The following CREBBP variants were observed in gnomAD, a reference collection of about 807,000 sequenced individuals.
The protein encoded by CREBBP is CREB binding lysine acetyltransferase, also known as CREB-binding protein.
CREBBP carries 19 observed loss-of-function variants against 265.0 expected under a neutral mutation model. That is an observed-to-expected ratio of 0.07 (90% confidence interval 0.05 to 0.11). The LOEUF (loss-of-function observed/expected upper bound fraction) is 0.11, where lower values mean the gene tolerates loss of function less well. CREBBP is among the 10% of genes least tolerant of loss of function. CREBBP has a pLI of 1.00. For synonymous variants in CREBBP, 1,457 were observed against 1,223.7 expected (o/e 1.19, Z -3.98); for missense variants, 2,525 against 3,219.0 (o/e 0.78, Z 5.22).
In CREBBP at chr16:3,781,078, GCA is replaced by G; in HGVS notation, c.1676+124_1676+125del. Reference sequence around the variant, plus strand: ...ATAATTAAAGAAAAAAAGGAAAACAGCATTCACCCCTCACCACCCCATTTAAA... The same window carrying G: ...ATAATTAAAGAAAAAAAGGAAAACAGTTCACCCCTCACCACCCCATTTAAA... On this transcript the variant is annotated intron_variant, in intron 7 of 30. Coordinates refer to ENST00000262367, the MANE Select transcript of CREBBP (RefSeq NM_004380.3). 3.8e-6 allele frequency: 4 copies of G among 1,042,980 alleles called. No homozygotes were observed. In the Admixed American group the frequency reaches 8.5e-5, roughly 22 times the overall value. The allele number at this position is 1,042,980 out of a possible 1,614,324, so 64.6% of individuals were successfully genotyped here. A position where few individuals can be genotyped will look rare whatever the true frequency, so the allele number is the denominator to read the frequency against.
chr16:3,846,705 C>T (rs2054674323), intron 2 of CREBBP, among the ~76,000 whole-genome samples: 1 of 152,146 alleles, frequency 6.6e-6, no homozygotes, highest in Non-Finnish European at 1.5e-5. Context: ...AGGGGAACAT[C>T]TACACTCACA....
rs1397325627 is a variant in CREBBP, at chr16:3,767,749, G to A, written c.3221C>T (p.Ser1074Leu). The stretch of plus-strand genomic sequence containing the variant: ...TTTGCGCGGCTGCGAAGGAGATGTT[G>A]ACTGAGAGGCTGTGCCGTTACTGCT... Reference protein sequence around the residue: ...ESSSNGTASQSTSPSQPRKKI... With the variant: ...ESSSNGTASQLTSPSQPRKKI... The change falls in exon 16 of 31, where the codon TCA becomes TTA. Residue 1074 changes from serine (S) to leucine (L), a missense_variant. This residue lies in a region of CREBBP where 548 missense variants were observed against 533.0 expected (regional missense o/e 1.03). Transcript: ENST00000262367. The A allele has an allele frequency of 1.2e-6, 2 of 1,614,142 alleles. No individual in the cohort carries two copies. Among genetic ancestry groups the A allele is most frequent in the African/African-American group, 1.3e-5 (1 of 74,946 alleles).
At chr16:3,737,733 G>T (rs1396927603) in intron 26 of CREBBP, among the ~76,000 whole-genome samples, 1 of 150,720 alleles carries the variant, frequency 6.6e-6, no homozygotes, top group African/African-American at 2.4e-5. Flanking sequence ...CAAAGTACTA[G>T]GATTACAGAC....
At chr16:3,751,878 C>T in intron 19 of CREBBP, 72 bp from the exon 20 acceptor site, 1 of 1,450,108 alleles carries the variant, frequency 6.9e-7, no homozygotes, top group South Asian at 1.2e-5. Context: ...AACGAAGCCA[C>T]CAATCAGAGC....
chr16:3,826,385 T>A (rs2054237630), intron 2 of CREBBP, among the ~76,000 whole-genome samples: 1 of 151,864 alleles, frequency 6.6e-6, no homozygotes, highest in African/African-American at 2.4e-5. Context: ...AAACCCCCTA[T>A]CCTTAAACAT....
intron 19 of CREBBP, among the ~76,000 whole-genome samples, chr16:3,756,155 G>C (rs770016631): frequency 6.6e-6 from 1 of 152,114 alleles, no homozygotes; most frequent in Non-Finnish European, 1.5e-5. Context: ...GACCAAATGA[G>C]AGTAAAATAA....
intron 1 of CREBBP, among the ~76,000 whole-genome samples, chr16:3,867,205 G>A (rs553212195): frequency 6.6e-6 from 1 of 152,290 alleles, no homozygotes; most frequent in African/African-American, 2.4e-5. Context: ...ACTTCTGTGT[G>A]AGCTGGCTGC....
intron 25 of CREBBP, 131 bp from the exon 26 acceptor site, chr16:3,738,803 T>C: frequency 2.8e-6 from 2 of 702,808 alleles, no homozygotes; most frequent in Non-Finnish European, 5.1e-6. Context: ...TGCAATGCGG[T>C]GACGCGGTCA....
chr16:3,810,581 C>A (rs1157090509), intron 3 of CREBBP, 22 bp downstream of exon 3: 1 of 1,613,172 alleles, frequency 6.2e-7, no homozygotes, highest in South Asian at 1.1e-5. Flanking sequence ...AGCCATAACA[C>A]TGAGGGCCAA....
chr16:3,769,673 A>G (rs930675337), intron 14 of CREBBP, among the ~76,000 whole-genome samples: 14 of 152,170 alleles, frequency 9.2e-5, no homozygotes, highest in Admixed American at 5.2e-4. Context: ...ATTCCCTTCA[A>G]TATGGTGGTT....
chr16:3,820,737 G>C (rs1057005164), intron 2 of CREBBP, among the ~76,000 whole-genome samples: 4 of 152,178 alleles, frequency 2.6e-5, no homozygotes, highest in Non-Finnish European at 4.4e-5. Context: ...GCGTGTGCTT[G>C]TAGTCCCAGC....
At chr16:3,845,421 T>G (rs1027860069) in intron 2 of CREBBP, among the ~76,000 whole-genome samples, 1 of 152,164 alleles carries the variant, frequency 6.6e-6, no homozygotes, top group African/African-American at 2.4e-5. Context: ...ACCCAAATCC[T>G]ATATGTTTGA....
chr16:3,835,808 C>T (rs1274323147), intron 2 of CREBBP, among the ~76,000 whole-genome samples: 1 of 151,738 alleles, frequency 6.6e-6, no homozygotes, highest in African/African-American at 2.4e-5. Context: ...TCTCGATCTC[C>T]TGACCTTGTG....
intron 13 of CREBBP, among the ~76,000 whole-genome samples, chr16:3,772,696 T>A (rs1371315959): frequency 2.0e-5 from 3 of 152,034 alleles, no homozygotes; most frequent in Non-Finnish European, 4.4e-5. Context: ...AAATGAAATG[T>A]TATGGAAAGT....
At chr16:3,870,033 T>G (rs78007028) in intron 1 of CREBBP, among the ~76,000 whole-genome samples, 2,393 of 152,288 alleles carry the variant, frequency 0.016, 68 homozygotes, top group African/African-American at 0.053. Context: ...ATGTTATGTC[T>G]TTTTGTTATT....
chr16:3,879,779 G>C (rs931190385), intron 1 of CREBBP, 53 bp downstream of exon 1: 4 of 1,528,796 alleles, frequency 2.6e-6, no homozygotes, highest in East Asian at 2.4e-5. Context: ...CTCTCTTTCA[G>C]GTGGGGGTGA....
Position 3,822,302 on chromosome 16 carries a change from C to T in CREBBP, c.799-11523G>A, listed in dbSNP as rs117118405. On this transcript the variant is annotated intron_variant, in intron 2 of 30. Coordinates refer to ENST00000262367, the MANE Select transcript of CREBBP (RefSeq NM_004380.3). Reference sequence around the variant, plus strand: ...TAAAGGAGGCGGCAATAAAGGAAGGCGTGAATGTGTATAGGTAACGCAACG... The same window carrying T: ...TAAAGGAGGCGGCAATAAAGGAAGGTGTGAATGTGTATAGGTAACGCAACG... Among the ~76,000 whole-genome samples, 310 of 152,102 alleles carry T rather than the reference C, an allele frequency of 2.0e-3. 2 individuals are homozygous for T. Among genetic ancestry groups the T allele is most frequent in the Non-Finnish European group, 3.8e-3 (261 of 67,988 alleles).
chr16:3,731,715 C>G lies in CREBBP; in HGVS notation c.4890+61G>C, dbSNP rs1414213648. On this transcript the variant is annotated intron_variant, in intron 29 of 30. Transcript: ENST00000262367. This position sits in a 1 kb window ranked among gnomAD's most constrained non-coding sequence, Gnocchi z 7.7. ...CTGCACACGGGCCCACGCCCGCCAG[C>G]TGCGAGTCTTTCCCTCCTCCCGGCC... 6.2e-7 allele frequency: 1 copy of G among 1,609,860 alleles called. No individual in the cohort carries two copies. Among genetic ancestry groups the G allele is most frequent in the South Asian group, 1.1e-5 (1 of 90,984 alleles).
chr16:3,806,145 G>A lies in CREBBP; in HGVS notation c.975+4458C>T, dbSNP rs2053825875. 2.0e-5 allele frequency among the ~76,000 whole-genome samples: 3 copies of A among 152,250 alleles called. No individual in the cohort carries two copies. The South Asian group carries it at 6.2e-4, about 32-fold the overall frequency. ...CCCTGGACACAGGGGGCCCTGGAGG[G>A]CATCCTAGCACATGGCTTGCCGCTC... On this transcript the variant is annotated intron_variant, in intron 3 of 30. Coordinates refer to ENST00000262367, the MANE Select transcript of CREBBP (RefSeq NM_004380.3).
Sources: gnomAD v4.1 joint callset for allele counts (sites outside exome capture counted in the v4.1 genomes callset) on GRCh38, gnomAD v4.1.1 for gene constraint, gnomAD v4.1.1 regional missense constraint, Gnocchi (gnomAD v3.1) non-coding constraint, MANE v1.5 for transcripts, NCBI Gene and HGNC (gene_info 2026-07-23, HGNC 2026-07-21) for gene names.